The following ITSN1 variants were observed in gnomAD, a reference collection of about 807,000 sequenced individuals.
ITSN1 encodes intersectin-1.
ITSN1 carries 58 observed loss-of-function variants against 239.8 expected under a neutral mutation model. The ratio of observed to expected loss-of-function variants is 0.24; its 90% CI spans 0.20 to 0.30. The LOEUF (loss-of-function observed/expected upper bound fraction) is 0.30. Among genes scored for constraint, ITSN1 ranks in the 10% least tolerant of loss-of-function variants. The pLI, the probability that ITSN1 is intolerant of heterozygous loss-of-function variation, is 1.00. For synonymous variants in ITSN1, 780 were observed against 770.8 expected (o/e 1.01, Z -0.20); for missense variants, 1,558 against 2,103.3 (o/e 0.74, Z 5.07).
chr21:33,828,467 G>T (rs932129072), intron 26 of ITSN1, among the ~76,000 whole-genome samples: 3 of 152,328 alleles, frequency 2.0e-5, no homozygotes, highest in Non-Finnish European at 2.9e-5. Context: ...TTCTATCCTG[G>T]TGGCCGACCC....
chr21:33,722,767 C>T (rs1329182470), intron 4 of ITSN1, 116 bp downstream of exon 4: 2 of 971,724 alleles, frequency 2.1e-6, no homozygotes, highest in Admixed American at 3.9e-5. Context: ...GTATCTCTAG[C>T]CTGAAATATC....
chr21:33,872,783 C>T (rs915035802), intron 33 of ITSN1, among the ~76,000 whole-genome samples: 25 of 152,282 alleles, frequency 1.6e-4, no homozygotes, highest in African/African-American at 6.0e-4. Flanking sequence ...CATCCTGCTT[C>T]GGCCTCCCAA....
intron 5 of ITSN1, among the ~76,000 whole-genome samples, chr21:33,740,428 G>T (rs955078837): frequency 1.3e-5 from 2 of 152,174 alleles, no homozygotes; most frequent in African/African-American, 4.8e-5. Flanking sequence ...GCAGAAGATT[G>T]GTGTCCTGCT....
chr21:33,864,313 T>C (rs1053491556), intron 31 of ITSN1, among the ~76,000 whole-genome samples: 2 of 152,208 alleles, frequency 1.3e-5, no homozygotes, highest in African/African-American at 4.8e-5. Context: ...GGCTTCATGT[T>C]GTGGTCCTGC....
chr21:33,718,695 C>G, intron 1 of ITSN1, 102 bp from the exon 2 acceptor site: 2 of 763,442 alleles, frequency 2.6e-6, no homozygotes, highest in Non-Finnish European at 4.6e-6. Context: ...TGCTCTGGCT[C>G]TAGTATTAGT....
chr21:33,772,191 G>A lies in ITSN1; in HGVS notation c.1173G>A (p.Gln391=), dbSNP rs749561794. 8 of 1,613,870 alleles carry A rather than the reference G, an allele frequency of 5.0e-6. No individual in the cohort carries two copies. The African/African-American group carries it at 6.7e-5, about 13-fold the overall frequency. ...ERLAQLERAE[Q]ERKERERQEQ... is the part of the protein sequence containing the mutation. ...TGGCCCAGCTGGAGCGGGCGGAGCA[G>A]GAGAGGAAGGAGCGTGAGCGCCAGG... Residue 391 remains glutamine (Q), a synonymous_variant, in exon 12 of 40, where the codon CAG becomes CAA. Transcript: ENST00000381318.
chr21:33,651,025 G>A (rs914599996), intron 1 of ITSN1, among the ~76,000 whole-genome samples: 5 of 152,262 alleles, frequency 3.3e-5, no homozygotes, highest in Admixed American at 1.3e-4. Context: ...GGCAGGGAGT[G>A]TATCGCTGTT....
intron 1 of ITSN1, among the ~76,000 whole-genome samples, chr21:33,681,839 T>G (rs1165166006): frequency 6.6e-6 from 1 of 150,992 alleles, no homozygotes; most frequent in African/African-American, 2.4e-5. Flanking sequence ...CCCGGCTAAT[T>G]TTTTTGTATT....
At chr21:33,778,573 T>TA (rs2069846851) in intron 14 of ITSN1, among the ~76,000 whole-genome samples, 9 of 110,850 alleles carry the variant, frequency 8.1e-5, no homozygotes, top group African/African-American at 3.8e-4. Context: ...AATATTCTCT[T>TA]TTTTTTTTTT....
chr21:33,895,594 T>G lies in ITSN1; in HGVS notation c.*7294T>G, dbSNP rs1012110325. ...GTGTGCGTGTGTGCATGTTTGTGAG[T>G]GCATGTGTTTGTGCGTGTGTGCGTA... On this transcript the variant is annotated 3_prime_UTR_variant, in exon 40 of 40. Transcript: ENST00000381318. 7.4e-6 allele frequency: 1 copy of G among 134,744 alleles called. No individual in the cohort carries two copies. The highest frequency in any genetic ancestry group is 1.7e-5 in the Non-Finnish European group (1 of 60,002). The allele number at this position is 134,744 out of a possible 1,614,324, so 8.3% of individuals were successfully genotyped here.
chr21:33,781,257 AC>A (rs991709998), intron 14 of ITSN1, among the ~76,000 whole-genome samples: 5 of 152,224 alleles, frequency 3.3e-5, no homozygotes, highest in African/African-American at 1.2e-4. Context: ...GGAAGCTATA[AC>A]TGTGTAGGGA....
At chr21:33,678,744 C>T (rs1180055068) in intron 1 of ITSN1, among the ~76,000 whole-genome samples, 1 of 152,126 alleles carries the variant, frequency 6.6e-6, no homozygotes, top group Non-Finnish European at 1.5e-5. Context: ...ATCCGAGTCT[C>T]GCTTTGTCAT....
At chr21:33,670,975 TTGAA>T (rs1405220134) in intron 1 of ITSN1, among the ~76,000 whole-genome samples, 1 of 152,204 alleles carries the variant, frequency 6.6e-6, no homozygotes, top group Non-Finnish European at 1.5e-5. Flanking sequence ...TCCTAGCAAA[TTGAA>T]TGTGTAGTGA....
rs574107870 is a variant in ITSN1 at position 33,803,733 on chromosome 21, G to A, written c.2319+1289G>A. On this transcript the variant is annotated intron_variant, in intron 20 of 39. Transcript: ENST00000381318. ...TCATTTTTATAAATGTATCTAATTT[G>A]TAATTTTTAATAAAACAAAATAAAT... is the stretch of plus-strand genomic sequence containing the variant. 7.9e-4 allele frequency among the ~76,000 whole-genome samples: 120 copies of A among 152,204 alleles called. 1 individual carries two copies. Among genetic ancestry groups the A allele is most frequent in the African/African-American group, 2.7e-3 (113 of 41,536 alleles).
At chr21:33,781,161 A>G (rs1056213542) in intron 14 of ITSN1, among the ~76,000 whole-genome samples, 3 of 152,190 alleles carry the variant, frequency 2.0e-5, no homozygotes, top group Non-Finnish European at 4.4e-5. Context: ...CATTGCTTCA[A>G]TTTATCTCTG....
At chr21:33,746,151 C>T (rs1456557010) in intron 5 of ITSN1, among the ~76,000 whole-genome samples, 1 of 152,128 alleles carries the variant, frequency 6.6e-6, no homozygotes, top group African/African-American at 2.4e-5. Context: ...CCATCAGGGG[C>T]TGCACAACAA....
chr21:33,870,844 G>A (rs1254209597), intron 33 of ITSN1, among the ~76,000 whole-genome samples: 1 of 152,188 alleles, frequency 6.6e-6, no homozygotes, highest in Non-Finnish European at 1.5e-5. Context: ...GTGGGTGAAC[G>A]TGGGGCAGGG....
intron 1 of ITSN1, among the ~76,000 whole-genome samples, chr21:33,694,734 A>G (rs1238442115): frequency 5.3e-5 from 8 of 152,132 alleles, no homozygotes. Flanking sequence ...CAGGAGAATT[A>G]CTTGAACCTG....
intron 27 of ITSN1, among the ~76,000 whole-genome samples, chr21:33,833,431 A>T (rs1438129535): frequency 6.6e-6 from 1 of 152,206 alleles, no homozygotes. Context: ...GAGCATGCAG[A>T]CACATGAGTG....
Sources: gnomAD v4.1 joint callset for allele counts (sites outside exome capture counted in the v4.1 genomes callset) on GRCh38, gnomAD v4.1.1 for gene constraint, MANE v1.5 for transcripts, NCBI Gene and HGNC (gene_info 2026-07-23, HGNC 2026-07-21) for gene names.